The following FAM174B variants were observed in gnomAD, a reference collection of about 807,000 sequenced individuals.
The protein encoded by FAM174B is family with sequence similarity 174 member B.
FAM174B carries 12 observed loss-of-function variants against 10.9 expected under a neutral mutation model. The ratio of observed to expected loss-of-function variants is 1.10; its 90% confidence interval spans 0.71 to 1.79. FAM174B has a LOEUF of 1.79. Among genes scored for constraint, FAM174B ranks in the 40% most tolerant of loss-of-function variants. The pLI is 0.00. For synonymous variants in FAM174B, 132 were observed against 115.8 expected, an observed-to-expected ratio of 1.14 and a Z score of -0.90; for missense variants, 266 against 233.3, an observed-to-expected ratio of 1.14 and a Z score of -0.91.
chr15:92,653,823 C>G (rs1022287125), intron 1 of FAM174B, among the ~76,000 whole-genome samples: 3 of 152,240 alleles, frequency 2.0e-5, no homozygotes, highest in Non-Finnish European at 2.9e-5. Flanking sequence ...TGACAAGGTA[C>G]TAGGCTCAGA....
At chr15:92,630,076 G>C in intron 2 of FAM174B, 138 bp downstream of exon 2, 2 of 710,768 alleles carry the variant, frequency 2.8e-6, no homozygotes, top group South Asian at 2.0e-5. Flanking sequence ...GATCAGAGCA[G>C]GTCTCTCCAC....
At chr15:92,652,675 C>T (rs538426691) in intron 1 of FAM174B, among the ~76,000 whole-genome samples, 1 of 152,218 alleles carries the variant, frequency 6.6e-6, no homozygotes, top group East Asian at 1.9e-4. Flanking sequence ...AATTCAGGAG[C>T]GACAAGGTAG....
intron 2 of FAM174B, among the ~76,000 whole-genome samples, chr15:92,625,312 C>A (rs1276402920): frequency 6.6e-6 from 1 of 152,172 alleles, no homozygotes; most frequent in African/African-American, 2.4e-5. Flanking sequence ...AGAGAGTTAC[C>A]TGGGAAATAA....
At chr15:92,633,084 A>G (rs2050830071) in intron 1 of FAM174B, among the ~76,000 whole-genome samples, 1 of 152,136 alleles carries the variant, frequency 6.6e-6, no homozygotes, top group Non-Finnish European at 1.5e-5. Flanking sequence ...CTTTTTCAGA[A>G]TATTTAATAC....
At chr15:92,621,742 C>A (rs1469629144) in intron 2 of FAM174B, among the ~76,000 whole-genome samples, 2 of 152,100 alleles carry the variant, frequency 1.3e-5, no homozygotes, top group Non-Finnish European at 2.9e-5. Context: ...CTTCAAGTGA[C>A]CCCCTGGCCC....
chr15:92,639,665 G>C (rs777337166), intron 1 of FAM174B, among the ~76,000 whole-genome samples: 1 of 152,160 alleles, frequency 6.6e-6, no homozygotes, highest in Non-Finnish European at 1.5e-5. Flanking sequence ...CTTCATGAAC[G>C]GTTTGGCACC....
chr15:92,636,982 G>A (rs1321917077), intron 1 of FAM174B, among the ~76,000 whole-genome samples: 1 of 152,154 alleles, frequency 6.6e-6, no homozygotes, highest in South Asian at 2.1e-4. Context: ...ACTCCCTCAG[G>A]TGTGCTGGTT....
chr15:92,639,532 C>T (rs748516378), intron 1 of FAM174B, among the ~76,000 whole-genome samples: 6 of 152,146 alleles, frequency 3.9e-5, no homozygotes, highest in Non-Finnish European at 7.3e-5. Flanking sequence ...TGTAAAACTA[C>T]AATAACTGAA....
chr15:92,650,793 GC>G, intron 1 of FAM174B, among the ~76,000 whole-genome samples: 1 of 152,128 alleles, frequency 6.6e-6, no homozygotes, highest in Non-Finnish European at 1.5e-5. Context: ...CCTAGAGACA[GC>G]CTCTTTGCTG....
At chr15:92,632,758 G>A (rs1011616074) in intron 1 of FAM174B, among the ~76,000 whole-genome samples, 1 of 151,758 alleles carries the variant, frequency 6.6e-6, no homozygotes, top group African/African-American at 2.4e-5. Flanking sequence ...CTGAACTCAA[G>A]CGATCCTCCC....
intron 1 of FAM174B, among the ~76,000 whole-genome samples, chr15:92,648,855 GC>G (rs1171157725): frequency 6.6e-6 from 1 of 152,194 alleles, no homozygotes; most frequent in Non-Finnish European, 1.5e-5. Flanking sequence ...CTGGCAGATT[GC>G]CCTTAGATTA....
At chr15:92,655,089 T>C (rs77999600) in intron 1 of FAM174B, 177 of 421,732 alleles carry the variant, frequency 4.2e-4, no homozygotes, top group African/African-American at 3.3e-3. Flanking sequence ...TTATTTTATA[T>C]ATATAGTTAA....
intron 2 of FAM174B, among the ~76,000 whole-genome samples, chr15:92,628,338 C>CTTTTTTTTT (rs35251307): frequency 4.7e-5 from 4 of 84,918 alleles, no homozygotes; most frequent in East Asian, 4.1e-4. Context: ...CTAATTTTTG[C>CTTTTTTTTT]TTTTTTTTTT....
chr15:92,655,115 T>C (rs1410848522), intron 1 of FAM174B: 7 of 579,868 alleles, frequency 1.2e-5, no homozygotes, highest in Non-Finnish European at 1.6e-5. Context: ...GGAAAGAAAA[T>C]TCCTAAAACA....
intron 2 of FAM174B, among the ~76,000 whole-genome samples, chr15:92,622,213 C>CTGTAG (rs754483021): frequency 3.9e-5 from 6 of 152,208 alleles, no homozygotes; most frequent in African/African-American, 1.4e-4. Context: ...TCACCTCACC[C>CTGTAG]CCAGGTTGCT....
chr15:92,619,823 CA>C (rs1426549422), intron 2 of FAM174B: 1 of 302,234 alleles, frequency 3.3e-6, no homozygotes, highest in African/African-American at 2.1e-5. Context: ...GCAGATCCCA[CA>C]ATCACGGTGA....
intron 2 of FAM174B, chr15:92,619,670 T>C (rs1036235072): frequency 3.3e-6 from 2 of 601,876 alleles, no homozygotes; most frequent in Non-Finnish European, 5.9e-6. Flanking sequence ...TAAGGATCCC[T>C]CCCCCAGCTC....
At chr15:92,625,209 G>A (rs1414614032) in intron 2 of FAM174B, among the ~76,000 whole-genome samples, 1 of 151,460 alleles carries the variant, frequency 6.6e-6, no homozygotes, top group East Asian at 1.9e-4. Flanking sequence ...TACCCTGCCT[G>A]TATTCTTCCT....
At chr15:92,651,694 T>C (rs1456637400) in intron 1 of FAM174B, among the ~76,000 whole-genome samples, 2 of 152,250 alleles carry the variant, frequency 1.3e-5, no homozygotes. Flanking sequence ...CTTGGATTAT[T>C]TAAACCTTTT....
Sources: allele counts gnomAD v4.1 joint callset (sites outside exome capture counted in the v4.1 genomes callset), GRCh38; gene constraint gnomAD v4.1.1; transcripts MANE v1.5; gene names NCBI Gene and HGNC (gene_info 2026-07-23, HGNC 2026-07-21).